Variants in ABITRAM observed in about 807,000 individuals in gnomAD.
ABITRAM encodes protein Abitram.
Under a neutral mutation model 22.9 loss-of-function variants are expected in ABITRAM, and 19 were observed. The observed-to-expected ratio is 0.83, with a 90% CI of 0.58 to 1.22. The LOEUF (loss-of-function observed/expected upper bound fraction) is 1.22, where lower values mean the gene tolerates loss of function less well. Among genes scored for constraint, ABITRAM ranks in the 50% most tolerant of loss-of-function variants. The probability of loss-of-function intolerance (pLI) is 0.00; values close to 1 mark genes in which losing one functional copy is unlikely to be tolerated. For missense variants in ABITRAM, 215 were observed against 220.2 expected (o/e 0.98, Z 0.15); for synonymous variants, 70 against 73.9 (o/e 0.95, Z 0.27).
chr9:108,943,098 C>T, downstream of ABITRAM: 2 of 1,455,312 alleles, frequency 1.4e-6, no homozygotes, highest in Admixed American at 2.1e-5. Flanking sequence ...CTTAAAAGAC[C>T]TTACCATTTA....
chr9:108,936,247 G>A, intron 2 of ABITRAM, 61 bp from the exon 3 acceptor site: 5 of 1,568,580 alleles, frequency 3.2e-6, no homozygotes, highest in Non-Finnish European at 4.3e-6. Context: ...GTTCCAATAG[G>A]AGTTATGGGA....
rs962123006 is a variant in ABITRAM at position 108,935,803 on chromosome 9, A to G, written c.131+114A>G. 9 of 689,288 alleles carry G rather than the reference A, an allele frequency of 1.3e-5. No homozygotes were observed. The Admixed American group carries it at 1.7e-4, about 13-fold the overall frequency. The allele number at this position is 689,288 out of a possible 1,614,324, so 42.7% of individuals were successfully genotyped here. On this transcript the variant is annotated intron_variant, in intron 2 of 5. Coordinates refer to ENST00000322940, the MANE Select transcript of ABITRAM (RefSeq NM_017832.4). ...ATGTTCACTAAACAAACATGCATTA[A>G]TTATCTTCTACTGTGTTGAAATGGT...
downstream of ABITRAM, among the ~76,000 whole-genome samples, chr9:108,942,119 G>C (rs959352533): frequency 1.3e-5 from 2 of 152,172 alleles, no homozygotes; most frequent in Admixed American, 6.5e-5. Flanking sequence ...GCTAGAACTA[G>C]AACCAAAAAC....
chr9:108,943,849 G>A (rs372722408), downstream of ABITRAM: 36 of 1,605,054 alleles, frequency 2.2e-5, no homozygotes, highest in East Asian at 8.9e-5. Flanking sequence ...ATAACAGCCC[G>A]CAACAAAACT....
rs2132061501 is a variant in ABITRAM, at chr9:108,934,522, G to T, written c.36G>T (p.Val12=). ...AGCCCGAAGCCGCGGAGCCGGTGGT[G>T]CCTTCGCTCGTGGATCGATACTTCA... is the stretch of plus-strand genomic sequence containing the variant. ...ATEPEAAEPV[V]PSLVDRYFTR... The change falls in exon 1 of 6, where the codon GTG becomes GTT. Residue 12 remains valine (V), a synonymous_variant. Transcript: ENST00000322940. 1 of 1,606,636 alleles carries T rather than the reference G, an allele frequency of 6.2e-7. No homozygotes were observed. Among genetic ancestry groups the T allele is most frequent in the South Asian group, 1.1e-5 (1 of 89,930 alleles).
intron 3 of ABITRAM, 114 bp from the exon 4 acceptor site, chr9:108,939,082 A>G: frequency 1.2e-6 from 1 of 808,948 alleles, no homozygotes; most frequent in East Asian, 2.4e-5. Context: ...TACTGAAGTA[A>G]CTGATTTAAA....
chr9:108,945,808 G>A (rs1830388335), downstream of ABITRAM, among the ~76,000 whole-genome samples: 1 of 152,082 alleles, frequency 6.6e-6, no homozygotes, highest in African/African-American at 2.4e-5. Context: ...TCAATCCATA[G>A]TTGGTTGAAT....
chr9:108,948,348 A>C, intron 3 of ABITRAM: 1 of 873,716 alleles, frequency 1.1e-6, no homozygotes, highest in Non-Finnish European at 1.7e-6. Context: ...ATTTTGAAGA[A>C]TAATATGAAT....
At chr9:108,950,669 C>CTT in exon 4 of ABITRAM, 1 of 1,503,644 alleles carries the variant, frequency 6.7e-7, no homozygotes, top group Non-Finnish European at 8.9e-7. Context: ...TATCCCATCC[C>CTT]ATAAAAGGAG....
At position 108,946,247 on chromosome 9, in the gene ABITRAM, C is replaced by T. The variant is rs182871751; in HGVS notation, c.262-4260C>T. 5.3e-4 allele frequency among the ~76,000 whole-genome samples: 79 copies of T among 149,316 alleles called. 1 individual carries two copies. Among genetic ancestry groups the T allele is most frequent in the African/African-American group, 1.4e-3 (57 of 40,754 alleles). The stretch of plus-strand genomic sequence containing the variant: ...CCGGGAGGCGGAGGCTGTAGTGAGC[C>T]GAGATCGTGCCACTGCACTCCAGCC... On this transcript the variant is annotated intron_variant, in intron 3 of 3. Coordinates refer to the ABITRAM transcript ENST00000374624.
At chr9:108,942,244 T>C (rs1336507285), downstream of ABITRAM, among the ~76,000 whole-genome samples, 1 of 152,120 alleles carries the variant, frequency 6.6e-6, no homozygotes, top group African/African-American at 2.4e-5. Context: ...CTGTACAAAA[T>C]GCTTATTAGG....
chr9:108,942,479 G>A (rs951680139), downstream of ABITRAM: 2 of 435,088 alleles, frequency 4.6e-6, no homozygotes, highest in South Asian at 3.8e-5. Flanking sequence ...AGCTTCTTGT[G>A]GATTAAATTG....
rs1376387967 is a variant in ABITRAM, at chr9:108,940,511, A to G, written c.*825A>G. On this transcript the variant is annotated 3_prime_UTR_variant, in exon 6 of 6. Transcript: ENST00000322940. ...AAGAGGCCGGAGTGTAGAGTATATTATATCTTCTGTCCCCCTTATGCCAAC... is the reference window on the plus strand; with the variant it reads ...AAGAGGCCGGAGTGTAGAGTATATTGTATCTTCTGTCCCCCTTATGCCAAC... 4 of 152,140 alleles carry G rather than the reference A, an allele frequency of 2.6e-5. No homozygotes were observed. The East Asian group carries it at 7.7e-4, about 29-fold the overall frequency. The allele number at this position is 152,140 out of a possible 1,614,324, so 9.4% of individuals were successfully genotyped here.
intron 3 of ABITRAM, among the ~76,000 whole-genome samples, chr9:108,936,810 T>C (rs1331231096): frequency 1.3e-5 from 2 of 151,698 alleles, no homozygotes; most frequent in Admixed American, 6.6e-5. Flanking sequence ...TTCTTTACCA[T>C]ATATTTCCAC....
At chr9:108,936,474 C>A in intron 3 of ABITRAM, 37 bp downstream of exon 3, 1 of 1,599,506 alleles carries the variant, frequency 6.3e-7, no homozygotes. Context: ...CTACTTACAT[C>A]CTCTATATTC....
At chr9:108,943,321 C>T (rs1261259600), downstream of ABITRAM, among the ~76,000 whole-genome samples, 1 of 152,156 alleles carries the variant, frequency 6.6e-6, no homozygotes, top group Non-Finnish European at 1.5e-5. Context: ...TCTCAAAACA[C>T]TCCAAATAGT....
At chr9:108,945,164 C>A (rs531555254), downstream of ABITRAM, among the ~76,000 whole-genome samples, 1 of 152,304 alleles carries the variant, frequency 6.6e-6, no homozygotes, top group South Asian at 2.1e-4. Context: ...ATCCTGACAT[C>A]AGTCTTGTAC....
chr9:108,943,784 C>T (rs780120157), downstream of ABITRAM: 11 of 1,613,478 alleles, frequency 6.8e-6, no homozygotes, highest in Non-Finnish European at 9.3e-6. Flanking sequence ...TGTTTATTTC[C>T]AGGAGAAGCA....
chr9:108,942,985 TGAAA>T, downstream of ABITRAM: 1 of 1,612,940 alleles, frequency 6.2e-7, no homozygotes, highest in South Asian at 1.1e-5. Context: ...TATAACAAAG[TGAAA>T]GAAGTTGGAC....
Sources: allele counts gnomAD v4.1 joint callset (sites outside exome capture counted in the v4.1 genomes callset), GRCh38; gene constraint gnomAD v4.1.1; transcripts MANE v1.5; gene names NCBI Gene and HGNC (gene_info 2026-07-23, HGNC 2026-07-21).